LRRIQ3: variants seen among roughly 807,000 people sequenced by gnomAD.
LRRIQ3 encodes the protein leucine rich repeats and IQ motif containing 3.
In LRRIQ3, 75 loss-of-function variants were observed where a neutral mutation model predicts 59.3. The ratio of observed to expected loss-of-function variants is 1.26; its 90% CI spans 1.05 to 1.53. The LOEUF is 1.53. LRRIQ3 is among the 40% of genes most tolerant of loss of function. LRRIQ3 has a pLI of 0.00. For missense variants in LRRIQ3, 831 were observed against 710.0 expected (o/e 1.17, Z -1.94); for synonymous variants, 250 against 231.3 (o/e 1.08, Z -0.73).
intron 6 of LRRIQ3, among the ~76,000 whole-genome samples, chr1:74,064,541 C>A (rs758013223): frequency 7.9e-5 from 12 of 152,106 alleles, no homozygotes; most frequent in African/African-American, 2.6e-4. Context: ...CTGTTTGATG[C>A]CACTTGCTTT....
Position 74,134,301 on chromosome 1 carries a change from T to C in LRRIQ3, c.707+21432A>G, listed in dbSNP as rs1438854935. Among the ~76,000 whole-genome samples the C allele has an allele frequency of 2.6e-5, 4 of 151,686 alleles. No homozygotes were observed. The East Asian group carries it at 7.8e-4, about 30-fold the overall frequency. The stretch of plus-strand genomic sequence containing the variant: ...AAATATAAATAAGAACAGTGGGGAG[T>C]TTGTAGCATTTTAGCCTGGTGCTGC... On this transcript the variant is annotated intron_variant, in intron 4 of 7. Transcript: ENST00000354431.
At chr1:74,102,488 A>T (rs1646550557) in intron 5 of LRRIQ3, among the ~76,000 whole-genome samples, 1 of 152,068 alleles carries the variant, frequency 6.6e-6, no homozygotes, top group African/African-American at 2.4e-5. Context: ...TGGTAAGAAT[A>T]TGAAAAAGTT....
At chr1:74,101,055 A>G (rs957122402) in intron 5 of LRRIQ3, among the ~76,000 whole-genome samples, 7 of 152,228 alleles carry the variant, frequency 4.6e-5, no homozygotes, top group African/African-American at 1.7e-4. Flanking sequence ...CAAAATTGAC[A>G]AATGGGATCT....
At chr1:74,145,094 A>C (rs909628461) in intron 4 of LRRIQ3, among the ~76,000 whole-genome samples, 1 of 152,226 alleles carries the variant, frequency 6.6e-6, no homozygotes, top group South Asian at 2.1e-4. Flanking sequence ...CATTTTGGGT[A>C]CCTCTACTAA....
chr1:74,111,475 C>T (rs1646693701), intron 4 of LRRIQ3, among the ~76,000 whole-genome samples: 1 of 151,894 alleles, frequency 6.6e-6, no homozygotes, highest in African/African-American at 2.4e-5. Flanking sequence ...AAGAAGGTCA[C>T]TGAGATGGAA....
rs149625267 is a variant in LRRIQ3, at chr1:74,104,493, A to G, written c.867+4901T>C. ...ATACAATGGAATATTATTCAGTGCT[A>G]AAAATAAAATGTGTGCTCAAAGCCA... is the stretch of plus-strand genomic sequence containing the variant. On this transcript the variant is annotated intron_variant, in intron 5 of 7. Coordinates refer to ENST00000354431, the MANE Select transcript of LRRIQ3 (RefSeq NM_001105659.2). 2.0e-3 allele frequency among the ~76,000 whole-genome samples: 309 copies of G among 152,148 alleles called. 3 individuals are homozygous for G. The highest frequency in any genetic ancestry group is 6.7e-3 in the African/African-American group (278 of 41,550).
intron 7 of LRRIQ3, among the ~76,000 whole-genome samples, chr1:74,034,121 A>G (rs1653800058): frequency 1.3e-5 from 2 of 151,928 alleles, no homozygotes; most frequent in South Asian, 4.1e-4. Context: ...AGGGAGCTAC[A>G]TTCTCAATAA....
chr1:74,029,433 T>G (rs1653627539), intron 7 of LRRIQ3, among the ~76,000 whole-genome samples: 1 of 152,136 alleles, frequency 6.6e-6, no homozygotes, highest in African/African-American at 2.4e-5. Context: ...GTCAAAGGCC[T>G]TTTCTGCATC....
chr1:74,156,215 C>G lies in LRRIQ3; in HGVS notation c.574-349G>C, dbSNP rs541492303. The stretch of plus-strand genomic sequence containing the variant: ...CCACCCCTTCTGTCTCCTGCTCCCT[C>G]TCTCACCATGTGACTTGCCTGCCTC... On this transcript the variant is annotated intron_variant, in intron 3 of 7. Coordinates refer to ENST00000354431, the MANE Select transcript of LRRIQ3 (RefSeq NM_001105659.2). 5.3e-5 allele frequency among the ~76,000 whole-genome samples: 8 copies of G among 152,232 alleles called. No homozygotes were observed. The South Asian group carries it at 1.7e-3, about 32-fold the overall frequency.
intron 6 of LRRIQ3, among the ~76,000 whole-genome samples, chr1:74,045,645 C>G (rs940924591): frequency 1.3e-5 from 2 of 152,050 alleles, no homozygotes; most frequent in Non-Finnish European, 2.9e-5. Context: ...AAACGGTATT[C>G]AAGTAGGAAA....
intron 4 of LRRIQ3, among the ~76,000 whole-genome samples, chr1:74,128,732 G>T (rs982250565): frequency 2.0e-5 from 3 of 152,058 alleles, no homozygotes; most frequent in African/African-American, 7.2e-5. Context: ...GTTTGTATGT[G>T]TGCTTCTTGG....
chr1:74,122,683 A>G (rs1646877686), intron 4 of LRRIQ3, among the ~76,000 whole-genome samples: 1 of 152,144 alleles, frequency 6.6e-6, no homozygotes, highest in Non-Finnish European at 1.5e-5. Context: ...TTAATTCAAG[A>G]TGGATTAAAG....
chr1:74,062,937 C>T (rs536168010), intron 6 of LRRIQ3, among the ~76,000 whole-genome samples: 22 of 152,068 alleles, frequency 1.4e-4, no homozygotes, highest in African/African-American at 5.1e-4. Context: ...ATATAACATA[C>T]AATTTATATA....
At chr1:74,176,006 T>C (rs954374458) in intron 3 of LRRIQ3, among the ~76,000 whole-genome samples, 1 of 152,216 alleles carries the variant, frequency 6.6e-6, no homozygotes, top group African/African-American at 2.4e-5. Flanking sequence ...GTATTTATAA[T>C]ACTCAAGAGA....
At chr1:74,047,270 G>C (rs1022528412) in intron 6 of LRRIQ3, among the ~76,000 whole-genome samples, 1 of 152,060 alleles carries the variant, frequency 6.6e-6, no homozygotes, top group Non-Finnish European at 1.5e-5. Context: ...CCATAAAAAA[G>C]GATGAGTTCA....
At chr1:74,032,637 C>T (rs578027023) in intron 7 of LRRIQ3, among the ~76,000 whole-genome samples, 9 of 152,116 alleles carry the variant, frequency 5.9e-5, no homozygotes, top group South Asian at 2.1e-4. Context: ...ATACATTGGG[C>T]GCATCTGGAT....
intron 6 of LRRIQ3, among the ~76,000 whole-genome samples, chr1:74,073,119 A>G (rs1445269258): frequency 6.6e-6 from 1 of 152,110 alleles, no homozygotes; most frequent in African/African-American, 2.4e-5. Context: ...ACCTTCTCCA[A>G]CATGGTTCCT....
At chr1:74,053,413 C>G (rs1243247749) in intron 6 of LRRIQ3, among the ~76,000 whole-genome samples, 1 of 151,910 alleles carries the variant, frequency 6.6e-6, no homozygotes, top group African/African-American at 2.4e-5. Flanking sequence ...TTCTGCCCTG[C>G]AAAAGAGACT....
intron 4 of LRRIQ3, among the ~76,000 whole-genome samples, chr1:74,131,965 T>G (rs1375253097): frequency 1.3e-5 from 2 of 152,172 alleles, no homozygotes; most frequent in Non-Finnish European, 2.9e-5. Context: ...AATGACTGTA[T>G]ATTTAGAAAA....
Sources: gnomAD v4.1 joint callset for allele counts (sites outside exome capture counted in the v4.1 genomes callset) on GRCh38, gnomAD v4.1.1 for gene constraint, MANE v1.5 for transcripts, NCBI Gene and HGNC (gene_info 2026-07-23, HGNC 2026-07-21) for gene names.